Variants in EVPL observed in about 807,000 individuals in gnomAD.
EVPL encodes the protein envoplakin.
EVPL carries 94 observed loss-of-function variants against 129.7 expected under a neutral mutation model. That is an observed-to-expected ratio of 0.72 (90% CI 0.61 to 0.86). The LOEUF (loss-of-function observed/expected upper bound fraction) is 0.86. Among genes scored for constraint, EVPL ranks in the 40% least tolerant of loss-of-function variants. EVPL has a pLI of 0.00. For synonymous variants in EVPL, 1,172 were observed against 1,191.1 expected, an observed-to-expected ratio of 0.98 and a Z score of 0.33; for missense variants, 2,625 against 2,721.1, an observed-to-expected ratio of 0.96 and a Z score of 0.79.
Position 76,008,081 on chromosome 17 carries a change from G to A in EVPL, c.5124C>T (p.Ile1708=), listed in dbSNP as rs141345812. Residue 1708 remains isoleucine, a synonymous_variant, in exon 22 of 22, where the codon ATC becomes ATT. Transcript: ENST00000301607. The surrounding 1 kb of genome is among the most constrained non-coding windows in gnomAD (Gnocchi z 7.4). ...GCAGCTGCAAGTACTGGCCCCTGTC[G>A]ATGATGCCCCTCTTGTAGGCCTCGT... ...SPYEAYKRGI[I]DRGQYLQLQE... The A allele has an allele frequency of 5.0e-6, 8 of 1,613,962 alleles. No homozygotes were observed. The Admixed American group carries it at 8.3e-5, about 17-fold the overall frequency.
Position 76,014,985 on chromosome 17 carries a change from G to A in EVPL, c.2153C>T (p.Pro718Leu), listed in dbSNP as rs1391415919. 6.3e-7 allele frequency: 1 copy of A among 1,596,648 alleles called. No individual in the cohort carries two copies. The highest frequency in any genetic ancestry group is 1.1e-5 in the South Asian group (1 of 90,924). ...GGCTCGCACCTGGCGCTGCTGGCGA[G>A]GCAGGTCTTGGCAGAACTCCTGGAA... ...NNFQEFCQDLPRQQRQVRALT... is the reference protein window; with the variant it reads ...NNFQEFCQDLLRQQRQVRALT... The change falls in exon 17 of 22, where the codon CCT (proline) becomes CTT (leucine). Residue 718 changes from proline to leucine, a missense_variant. By Grantham distance (98) the Pro-to-Leu change is moderately conservative. Coordinates refer to ENST00000301607, the MANE Select transcript of EVPL (RefSeq NM_001988.4).
chr17:76,015,515 T>G lies in EVPL; in HGVS notation c.1824A>C (p.Val608=), dbSNP rs1189135019. ...PVGPAALQLP[V]ALNSVKNKFS... ...ACTTGTTCTTCACGCTGTTGAGGGC[T>G]ACGGGCAGCTGCAGGGCAGCGGGGC... Residue 608 remains valine, a synonymous_variant, in exon 15 of 22, where the codon GTA becomes GTC. Coordinates refer to ENST00000301607, the MANE Select transcript of EVPL (RefSeq NM_001988.4). 1 of 1,612,908 alleles carries G rather than the reference T, an allele frequency of 6.2e-7. No individual in the cohort carries two copies. The highest frequency in any genetic ancestry group is 8.5e-7 in the Non-Finnish European group (1 of 1,179,992).
chr17:76,018,494 C>G lies in EVPL; in HGVS notation c.1391G>C (p.Cys464Ser). Residue 464 changes from cysteine (C) to serine (S), a missense_variant, in exon 12 of 22, where the codon TGC becomes TCC. Cys to Ser is a moderately radical substitution (Grantham distance 112, BLOSUM62 -1). Transcript: ENST00000301607. ...GGETKRAPAA[C>S]FCIPAPDPDA... is the part of the protein sequence containing the mutation. ...AGGGTCTGGTGCTGGGATGCAGAAG[C>G]AGGCGGCGGGAGCACGCTTGGTCTC... The G allele has an allele frequency of 1.2e-6, 2 of 1,612,552 alleles. No individual in the cohort carries two copies. The highest frequency in any genetic ancestry group is 1.7e-6 in the Non-Finnish European group (2 of 1,179,814).
chr17:76,009,957 T>C lies in EVPL; in HGVS notation c.3248A>G (p.Glu1083Gly). 1 of 1,614,062 alleles carries C rather than the reference T, an allele frequency of 6.2e-7. No homozygotes were observed. The highest frequency in any genetic ancestry group is 8.5e-7 in the Non-Finnish European group (1 of 1,180,028). The change falls in exon 22 of 22, where the codon GAG becomes GGG. Residue 1083 changes from glutamate to glycine, a missense_variant. Glu to Gly is a moderately conservative substitution (Grantham distance 98, BLOSUM62 -2). Around this residue, in one of 4 missense-constraint regions of EVPL, gnomAD observed 1,453 missense variants for 1,511.8 expected, o/e 0.96. Transcript: ENST00000301607. The surrounding 1 kb of genome is among the most constrained non-coding windows in gnomAD (Gnocchi z 5.9). ...KVVVKEVVKV[E>G]KNLEMVKAAQ... The stretch of plus-strand genomic sequence containing the variant: ...TGCCTTGACCATTTCCAGATTCTTC[T>C]CCACCTTGACTACCTCTTTCACCAC...
intron 18 of EVPL, among the ~76,000 whole-genome samples, chr17:76,012,461 A>ATTTTTTTTTTTTTTTTTTTTTTTT: frequency 2.0e-5 from 3 of 152,068 alleles, no homozygotes; most frequent in African/African-American, 4.8e-5. Context: ...TGCCAGGCTA[A>ATTTTTTTTTTTTTTTTTTTTTTTT]TTTTTATATT....
intron 19 of EVPL, 39 bp from the exon 20 acceptor site, chr17:76,011,921 G>C (rs756802964): frequency 2.1e-5 from 34 of 1,605,110 alleles, no homozygotes; most frequent in Middle Eastern, 1.6e-4. Flanking sequence ...GGCAACCAGT[G>C]GGGGAGGCTG....
chr17:76,014,413 GC>G lies in EVPL; in HGVS notation c.2373+12del, dbSNP rs755891479. 2.0e-5 allele frequency: 32 copies of G among 1,605,460 alleles called. No individual in the cohort carries two copies. In the East Asian group the frequency reaches 6.5e-4, roughly 33 times the overall value. On this transcript the variant is annotated intron_variant, in intron 18 of 21. Coordinates refer to ENST00000301607, the MANE Select transcript of EVPL (RefSeq NM_001988.4). The stretch of plus-strand genomic sequence containing the variant: ...CACATGGGCACAGGCAGCTGTCCCT[GC>G]CCCAGCCTCACCTTCTGCGCCTGCA...
intron 14 of EVPL, 82 bp from the exon 15 acceptor site, chr17:76,015,710 A>G: frequency 1.4e-6 from 2 of 1,427,038 alleles, no homozygotes; most frequent in East Asian, 5.0e-5. Flanking sequence ...CTCTGCGCCC[A>G]TGGAGGCAGT....
chr17:76,026,714 G>GCCAGGCTCTCCTGTCTC (rs57844726), intron 1 of EVPL, among the ~76,000 whole-genome samples: 36 of 152,128 alleles, frequency 2.4e-4, no homozygotes, highest in Non-Finnish European at 2.8e-4. Flanking sequence ...CAGTCAGGCA[G>GCCAGGCTCTCCTGTCTC]CCAGGCTCTC....
intron 10 of EVPL, 21 bp from the exon 11 acceptor site, chr17:76,019,081 G>A: frequency 6.4e-7 from 1 of 1,563,796 alleles, no homozygotes; most frequent in Non-Finnish European, 8.6e-7. Context: ...CCCAGGCAGT[G>A]GGGGACTCAG....
chr17:76,010,309 G>A lies in EVPL; in HGVS notation c.2896C>T (p.Pro966Ser), dbSNP rs1211037767. The A allele has an allele frequency of 6.2e-7, 1 of 1,613,770 alleles. No homozygotes were observed. The highest frequency in any genetic ancestry group is 8.5e-7 in the Non-Finnish European group (1 of 1,180,020). Reference sequence around the variant, plus strand: ...CTGGACAGGCTGCCCTCCAGCTGGGGGTCCCGGTAGAACTCTACCACTTCC... The same window carrying A: ...CTGGACAGGCTGCCCTCCAGCTGGGAGTCCCGGTAGAACTCTACCACTTCC... Reference protein sequence around the residue: ...EKEVVEFYRDPQLEGSLSRVK... With the variant: ...EKEVVEFYRDSQLEGSLSRVK... The change falls in exon 22 of 22, where the codon CCC (proline) becomes TCC (serine). Residue 966 changes from proline (P) to serine (S), a missense_variant. Transcript: ENST00000301607.
At position 76,019,029 on chromosome 17, in the gene EVPL, C is replaced by T; in HGVS notation, c.1169G>A (p.Arg390Lys). The T allele has an allele frequency of 6.3e-7, 1 of 1,575,502 alleles. No individual in the cohort carries two copies. Among genetic ancestry groups the T allele is most frequent in the Non-Finnish European group, 8.6e-7 (1 of 1,168,188 alleles). The change falls in exon 11 of 22, where the codon AGG becomes AAG. Residue 390 changes from arginine to lysine, a missense_variant. Coordinates refer to ENST00000301607, the MANE Select transcript of EVPL (RefSeq NM_001988.4). ...TCGCCGCTGCAGGTCCCCAGTGGCCCTCTCGGTGACGGCCAGCCGTTTTTC... is the reference window on the plus strand; with the variant it reads ...TCGCCGCTGCAGGTCCCCAGTGGCCTTCTCGGTGACGGCCAGCCGTTTTTC... ...AEEKRLAVTE[R>K]ATGDLQRRSR...
Position 76,007,283 on chromosome 17 carries a change from G to A in EVPL, c.5922C>T (p.Asp1974=), listed in dbSNP as rs377029242. Reference sequence around the variant, plus strand: ...TCAAATCCTTCTCGTAGCTGGACTCGTCCTGCAGGAGCTGGGCCAGCTCTT... The same window carrying A: ...TCAAATCCTTCTCGTAGCTGGACTCATCCTGCAGGAGCTGGGCCAGCTCTT... ...ISEELAQLLQ[D]ESSYEKDLTD... The change falls in exon 22 of 22, where the codon GAC becomes GAT. Residue 1974 remains aspartate, a synonymous_variant. Transcript: ENST00000301607. This position sits in a 1 kb window ranked among gnomAD's most constrained non-coding sequence, Gnocchi z 8.8. 1.4e-5 allele frequency: 22 copies of A among 1,556,778 alleles called. No homozygotes were observed. Among genetic ancestry groups the A allele is most frequent in the East Asian group, 1.4e-4 (6 of 44,274 alleles).
rs1288378772 is a variant in EVPL, at chr17:76,008,322, C to A, written c.4883G>T (p.Arg1628Leu). ...KLLSQKTESERQKAAQRGQEL... is the reference protein window; with the variant it reads ...KLLSQKTESELQKAAQRGQEL... ...CTGGCCCCGCTGGGCCGCCTTCTGT[C>A]GCTCGCTCTCCGTCTTCTGGCTGAG... Residue 1628 changes from arginine (R) to leucine (L), a missense_variant, in exon 22 of 22, where the codon CGA (arginine) becomes CTA (leucine). Coordinates refer to ENST00000301607, the MANE Select transcript of EVPL (RefSeq NM_001988.4). The surrounding 1 kb of genome is among the most constrained non-coding windows in gnomAD (Gnocchi z 7.4). The A allele has an allele frequency of 6.2e-7, 1 of 1,607,148 alleles. No individual in the cohort carries two copies. The highest frequency in any genetic ancestry group is 1.3e-5 in the African/African-American group (1 of 74,904).
chr17:76,018,092 G>A (rs2066430581), intron 13 of EVPL, 69 bp downstream of exon 13: 1 of 1,544,974 alleles, frequency 6.5e-7, no homozygotes, highest in East Asian at 2.4e-5. Flanking sequence ...GCCCATCACA[G>A]ACCAGTCGGA....
intron 14 of EVPL, among the ~76,000 whole-genome samples, chr17:76,017,280 G>A (rs767916897): frequency 6.6e-6 from 1 of 152,160 alleles, no homozygotes; most frequent in Non-Finnish European, 1.5e-5. Flanking sequence ...TTCACTCTGA[G>A]CACTTTTGGG....
chr17:76,018,143 C>T lies in EVPL; in HGVS notation c.1537+18G>A. The T allele has an allele frequency of 6.4e-7, 1 of 1,550,882 alleles. No homozygotes were observed. The highest frequency in any genetic ancestry group is 8.7e-7 in the Non-Finnish European group (1 of 1,146,816). ...CTTCTAGCCCCACAGCCACCTCTCCCCGGGCCACCCTGGGTACCCTGCTGG... is the reference window on the plus strand; with the variant it reads ...CTTCTAGCCCCACAGCCACCTCTCCTCGGGCCACCCTGGGTACCCTGCTGG... On this transcript the variant is annotated intron_variant, in intron 13 of 21. Coordinates refer to ENST00000301607, the MANE Select transcript of EVPL (RefSeq NM_001988.4).
rs1479012742 is a variant in EVPL at position 76,023,272 on chromosome 17, T to C, written c.480+20A>G. 6.2e-7 allele frequency: 1 copy of C among 1,613,432 alleles called. No homozygotes were observed. The highest frequency in any genetic ancestry group is 8.5e-7 in the Non-Finnish European group (1 of 1,179,812). On this transcript the variant is annotated intron_variant, in intron 4 of 21. Transcript: ENST00000301607. ...GTATCGCCCTCTGATCACACTGGGG[T>C]GTGACTTTGAGTTCCTGACCTGTTT...
chr17:76,011,905 C>A, intron 19 of EVPL, 23 bp from the exon 20 acceptor site: 1 of 1,610,572 alleles, frequency 6.2e-7, no homozygotes, highest in East Asian at 2.2e-5. Flanking sequence ...GAAAGGACAG[C>A]AGGCTGGCAA....
Sources: gnomAD v4.1 joint callset for allele counts (sites outside exome capture counted in the v4.1 genomes callset) on GRCh38, gnomAD v4.1.1 for gene constraint, gnomAD v4.1.1 regional missense constraint, Gnocchi (gnomAD v3.1) non-coding constraint, MANE v1.5 for transcripts, NCBI Gene and HGNC (gene_info 2026-07-23, HGNC 2026-07-21) for gene names.